Variants in NMRK2 observed in about 807,000 individuals in gnomAD.
NMRK2 encodes NRK 2.
Under a neutral mutation model 24.7 loss-of-function variants are expected in NMRK2, and 34 were observed. The observed-to-expected ratio is 1.37, with a 90% CI of 1.05 to 1.83. The LOEUF is 1.83. NMRK2 is among the 40% of genes most tolerant of loss of function. NMRK2 has a pLI of 0.00. For missense variants in NMRK2, 341 were observed against 315.0 expected (o/e 1.08, Z -0.62); for synonymous variants, 145 against 125.6 (o/e 1.15, Z -1.03).
At position 3,937,197 on chromosome 19, in the gene NMRK2, A is replaced by C. The variant is rs771828052; in HGVS notation, c.118-43A>C. 3 of 1,608,628 alleles carry C rather than the reference A, an allele frequency of 1.9e-6. No individual in the cohort carries two copies. In the South Asian group the frequency reaches 3.3e-5, roughly 18 times the overall value. On this transcript the variant is annotated intron_variant, in intron 3 of 7. Transcript: ENST00000168977. Reference sequence around the variant, plus strand: ...CCATCACCCAGGCCGGGGGTGAGGCAGGACCGGGCACTGAGCCCGAGGTTC... The same window carrying C: ...CCATCACCCAGGCCGGGGGTGAGGCCGGACCGGGCACTGAGCCCGAGGTTC...
rs144400706 is a variant in NMRK2, at chr19:3,939,923, G to A, written c.347G>A (p.Arg116His). ...SYKPLVDLYS[R>H]RYFLTVPYEE... ...AGGCCCCTGGTGGACTTGTACAGCC[G>A]CCGGTACTTCCTGACCGTCCCGTAT... The change falls in exon 6 of 8, where the codon CGC becomes CAC. Residue 116 changes from arginine to histidine, a missense_variant. By Grantham distance (29) the Arg-to-His change is conservative (BLOSUM62 0). Transcript: ENST00000168977. 4.2e-4 allele frequency: 670 copies of A among 1,612,406 alleles called. 6 individuals are homozygous for A. The highest frequency in any genetic ancestry group is 8.9e-5 in the East Asian group (4 of 44,876).
intron 2 of NMRK2, among the ~76,000 whole-genome samples, chr19:3,934,644 T>C (rs188748344): frequency 1.3e-5 from 2 of 151,212 alleles, no homozygotes; most frequent in East Asian, 1.9e-4. Context: ...TGCAGTGGTG[T>C]GATCTCGGCT....
chr19:3,937,185 C>G, intron 3 of NMRK2, 55 bp from the exon 4 acceptor site: 1 of 1,593,584 alleles, frequency 6.3e-7, no homozygotes, highest in South Asian at 1.1e-5. Flanking sequence ...TCACCCAGGC[C>G]GGGGGTGAGG....
chr19:3,933,759 G>A (rs1841640716), intron 2 of NMRK2, 62 bp downstream of exon 2: 1 of 1,356,934 alleles, frequency 7.4e-7, no homozygotes, highest in South Asian at 1.6e-5. Context: ...CGCGCAGAGG[G>A]GGAGGCCCGG....
In NMRK2 at chr19:3,933,596, A is replaced by T; in HGVS notation, c.-76A>T. The T allele has an allele frequency of 6.7e-7, 1 of 1,488,234 alleles. No individual in the cohort carries two copies. Among genetic ancestry groups the T allele is most frequent in the Middle Eastern group, 1.7e-4 (1 of 5,742 alleles). 92.2% of individuals were successfully genotyped at this position (1,488,234 alleles called of 1,614,324 possible). ...GGTTTTCTCAATGAAGCCGGGACGCACTCCGGAGCGCACTGCGTGGTCGCA... is the reference window on the plus strand; with the variant it reads ...GGTTTTCTCAATGAAGCCGGGACGCTCTCCGGAGCGCACTGCGTGGTCGCA... On this transcript the variant is annotated 5_prime_UTR_variant, in exon 2 of 8. Transcript: ENST00000168977.
chr19:3,933,796 T>G, intron 2 of NMRK2, 99 bp downstream of exon 2: 1 of 1,202,176 alleles, frequency 8.3e-7, no homozygotes, highest in South Asian at 2.0e-5. Flanking sequence ...GCCTGGCGCC[T>G]GAGGTCACCT....
Position 3,939,939 on chromosome 19 carries a change from C to G in NMRK2, c.363C>G (p.Thr121=). ...TGTACAGCCGCCGGTACTTCCTGAC[C>G]GTCCCGTATGAAGAGTGCAAGTGGA... is the stretch of plus-strand genomic sequence containing the variant. The part of the protein sequence containing the change: ...VDLYSRRYFL[T]VPYEECKWRR... The change falls in exon 6 of 8, where the codon ACC becomes ACG. Residue 121 remains threonine, a synonymous_variant. Transcript: ENST00000168977. 6.2e-7 allele frequency: 1 copy of G among 1,612,280 alleles called. No homozygotes were observed. The highest frequency in any genetic ancestry group is 8.5e-7 in the Non-Finnish European group (1 of 1,178,542).
At chr19:3,938,844 GT>G (rs1269335341) in intron 5 of NMRK2, 85 bp downstream of exon 5, 9,821 of 173,952 alleles carry the variant, frequency 0.056, 293 homozygotes, top group Middle Eastern at 0.087. Flanking sequence ...TTTTTTTTTT[GT>G]TTTGTTTTTT....
At chr19:3,938,782 C>T (rs1278683279) in intron 5 of NMRK2, 23 bp downstream of exon 5, 4 of 1,520,248 alleles carry the variant, frequency 2.6e-6, no homozygotes, top group Admixed American at 2.0e-5. Flanking sequence ...AGGCTCTGGC[C>T]CCAGGCATGG....
intron 2 of NMRK2, 38 bp from the exon 3 acceptor site, chr19:3,936,537 G>A: frequency 6.7e-7 from 1 of 1,482,218 alleles, no homozygotes; most frequent in South Asian, 1.3e-5. Context: ...CTTCTTGGGG[G>A]GAGCCCAGGC....
chr19:3,938,795 C>T lies in NMRK2; in HGVS notation c.323+36C>T, dbSNP rs774290303. On this transcript the variant is annotated intron_variant, in intron 5 of 7. Coordinates refer to ENST00000168977, the MANE Select transcript of NMRK2 (RefSeq NM_170678.3). Reference sequence around the variant, plus strand: ...GCAGGCTCTGGCCCCAGGCATGGCCCTCTCTGGGCGGGTATAGCCATCTCT... The same window carrying T: ...GCAGGCTCTGGCCCCAGGCATGGCCTTCTCTGGGCGGGTATAGCCATCTCT... 8 of 1,384,468 alleles carry T rather than the reference C, an allele frequency of 5.8e-6. No homozygotes were observed. The South Asian group carries it at 1.1e-4, about 20-fold the overall frequency. 85.8% of individuals were successfully genotyped at this position (1,384,468 alleles called of 1,614,324 possible).
At chr19:3,934,022 T>A (rs1599157589) in intron 2 of NMRK2, among the ~76,000 whole-genome samples, 1 of 150,196 alleles carries the variant, frequency 6.7e-6, no homozygotes, top group African/African-American at 2.5e-5. Context: ...CCGAGGCGGG[T>A]GGATCACCTG....
At chr19:3,937,423 T>C in intron 4 of NMRK2, 135 bp downstream of exon 4, 1 of 380,992 alleles carries the variant, frequency 2.6e-6, no homozygotes, top group Admixed American at 5.6e-5. Flanking sequence ...TCCCCCGGGG[T>C]CCGCCCTCCT....
intron 5 of NMRK2, among the ~76,000 whole-genome samples, chr19:3,939,238 C>A (rs2039281456): frequency 6.6e-6 from 1 of 151,568 alleles, no homozygotes. Flanking sequence ...CAACCCAAGT[C>A]TGGAGCCAGG....
intron 2 of NMRK2, among the ~76,000 whole-genome samples, chr19:3,934,843 A>G (rs984267576): frequency 3.9e-5 from 6 of 151,958 alleles, no homozygotes; most frequent in Non-Finnish European, 8.8e-5. Context: ...TCAGCCTCCC[A>G]AAGTGCTGGG....
intron 7 of NMRK2, among the ~76,000 whole-genome samples, chr19:3,941,535 G>T (rs1057315887): frequency 6.6e-6 from 1 of 151,926 alleles, no homozygotes; most frequent in Non-Finnish European, 1.5e-5. Flanking sequence ...TTACAGGCGT[G>T]AACCACTGCA....
rs144659918 is a variant in NMRK2, at chr19:3,939,940, G to T, written c.364G>T (p.Val122Phe). ...DLYSRRYFLT[V>F]PYEECKWRRS... ...GTACAGCCGCCGGTACTTCCTGACC[G>T]TCCCGTATGAAGAGTGCAAGTGGAG... The change falls in exon 6 of 8, where the codon GTC becomes TTC. Residue 122 changes from valine (V) to phenylalanine (F), a missense_variant. Transcript: ENST00000168977. 8.2e-4 allele frequency: 1,324 copies of T among 1,613,662 alleles called. 29 individuals are homozygous for T. The South Asian group carries it at 0.014, about 17-fold the overall frequency.
rs2039345195 is a variant in NMRK2, at chr19:3,942,162, C to A, written c.582C>A (p.Arg194=). ...ACATTCAGAACTCGCTGCTGAACCGCTCCCAGGAATCAGCCCCCTCCCCGG... is the reference window on the plus strand; with the variant it reads ...ACATTCAGAACTCGCTGCTGAACCGATCCCAGGAATCAGCCCCCTCCCCGG... ...LEDIQNSLLN[R]SQESAPSPAR... is the part of the protein sequence containing the mutation. Residue 194 remains arginine (R), a synonymous_variant, in exon 8 of 8, where the codon CGC becomes CGA. Transcript: ENST00000168977. 20 of 1,613,356 alleles carry A rather than the reference C, an allele frequency of 1.2e-5. No homozygotes were observed. Among genetic ancestry groups the A allele is most frequent in the Middle Eastern group, 1.6e-4 (1 of 6,062 alleles).
chr19:3,942,335 C>T lies in NMRK2; in HGVS notation c.*62C>T. ...GGAGGCCCCACTCCCAGTTGGGCGTCCCGGAGCTCAGGGACTGAGCCCCAA... is the reference window on the plus strand; with the variant it reads ...GGAGGCCCCACTCCCAGTTGGGCGTTCCGGAGCTCAGGGACTGAGCCCCAA... On this transcript the variant is annotated 3_prime_UTR_variant, in exon 8 of 8. Coordinates refer to ENST00000168977, the MANE Select transcript of NMRK2 (RefSeq NM_170678.3). 1 of 1,484,064 alleles carries T rather than the reference C, an allele frequency of 6.7e-7. No homozygotes were observed. Among genetic ancestry groups the T allele is most frequent in the Non-Finnish European group, 9.1e-7 (1 of 1,099,778 alleles). 91.9% of individuals were successfully genotyped at this position (1,484,064 alleles called of 1,614,324 possible).
Sources: gnomAD v4.1 joint callset for allele counts (sites outside exome capture counted in the v4.1 genomes callset) on GRCh38, gnomAD v4.1.1 for gene constraint, MANE v1.5 for transcripts, NCBI Gene and HGNC (gene_info 2026-07-23, HGNC 2026-07-21) for gene names.